MEIKIN: variants seen among roughly 807,000 people sequenced by gnomAD.
MEIKIN encodes meiosis-specific kinetochore protein.
chr5:131,873,850 C>G (rs1179864696), intron 9 of MEIKIN, among the ~76,000 whole-genome samples: 1 of 152,204 alleles, frequency 6.6e-6, no homozygotes, highest in East Asian at 1.9e-4. Context: ...TCACTCAAAA[C>G]CACTCAACTG....
At chr5:131,931,935 T>A (rs1221369776) in intron 5 of MEIKIN, among the ~76,000 whole-genome samples, 3 of 152,232 alleles carry the variant, frequency 2.0e-5, no homozygotes, top group African/African-American at 7.2e-5. Context: ...CCTAAAAGGC[T>A]AAGTGGTATC....
chr5:131,836,740 GTTT>G (rs796714140), intron 11 of MEIKIN, among the ~76,000 whole-genome samples: 2 of 141,608 alleles, frequency 1.4e-5, no homozygotes, highest in Non-Finnish European at 3.1e-5. Flanking sequence ...ACTTTTTAAT[GTTT>G]TTTTTTTTTC....
intron 8 of MEIKIN, among the ~76,000 whole-genome samples, chr5:131,894,153 G>T (rs1750990974): frequency 6.6e-6 from 1 of 152,136 alleles, no homozygotes; most frequent in South Asian, 2.1e-4. Flanking sequence ...TATTAAATAG[G>T]GAATCCTTTC....
At chr5:131,836,147 T>A (rs189778973) in intron 11 of MEIKIN, among the ~76,000 whole-genome samples, 3 of 152,304 alleles carry the variant, frequency 2.0e-5, no homozygotes, top group Admixed American at 2.0e-4. Context: ...ATATGCCATA[T>A]TTGGTTTTCT....
At chr5:131,855,507 G>T (rs1330894173) in intron 9 of MEIKIN, among the ~76,000 whole-genome samples, 1 of 151,826 alleles carries the variant, frequency 6.6e-6, no homozygotes, top group Non-Finnish European at 1.5e-5. Flanking sequence ...GACAGAAAGC[G>T]AGGAAGCGAC....
intron 8 of MEIKIN, among the ~76,000 whole-genome samples, chr5:131,908,717 A>G (rs900194341): frequency 6.6e-6 from 1 of 152,214 alleles, no homozygotes. Flanking sequence ...GAACTGATAA[A>G]TAAATTAGCA....
chr5:131,835,456 C>G (rs756993319), intron 11 of MEIKIN, among the ~76,000 whole-genome samples: 4 of 152,086 alleles, frequency 2.6e-5, no homozygotes, highest in Admixed American at 6.6e-5. Flanking sequence ...TATCAAGAGG[C>G]TTTTTCCCTA....
chr5:131,829,341 G>A (rs1749673677), intron 11 of MEIKIN, among the ~76,000 whole-genome samples: 1 of 152,206 alleles, frequency 6.6e-6, no homozygotes, highest in Non-Finnish European at 1.5e-5. Context: ...GCCAATGGAA[G>A]ATTAGCTCCT....
chr5:131,939,646 T>C (rs1391085431), intron 4 of MEIKIN, among the ~76,000 whole-genome samples: 2 of 152,172 alleles, frequency 1.3e-5, no homozygotes, highest in East Asian at 3.8e-4. Flanking sequence ...AAACAATAAA[T>C]CATATGTTAA....
At chr5:131,838,728 T>C (rs1250365228) in intron 11 of MEIKIN, among the ~76,000 whole-genome samples, 3 of 152,162 alleles carry the variant, frequency 2.0e-5, no homozygotes, top group Non-Finnish European at 4.4e-5. Context: ...TTGTGTTTAT[T>C]TGGCTCCTAT....
intron 8 of MEIKIN, among the ~76,000 whole-genome samples, chr5:131,902,520 G>A (rs1751176925): frequency 6.6e-6 from 1 of 152,088 alleles, no homozygotes; most frequent in Admixed American, 6.5e-5. Flanking sequence ...TGTACATCAT[G>A]CTTCCTGTAC....
chr5:131,919,828 C>T (rs879820916), intron 6 of MEIKIN, among the ~76,000 whole-genome samples: 4 of 152,094 alleles, frequency 2.6e-5, no homozygotes, highest in African/African-American at 9.7e-5. Flanking sequence ...GAGAAAGTGA[C>T]AATTTTCTGA....
intron 5 of MEIKIN, among the ~76,000 whole-genome samples, chr5:131,927,844 C>T (rs571878899): frequency 2.0e-5 from 3 of 152,126 alleles, no homozygotes; most frequent in African/African-American, 7.2e-5. Flanking sequence ...GTGTATGTAT[C>T]CTTAAATCTA....
chr5:131,849,600 A>T (rs887264086), intron 11 of MEIKIN, among the ~76,000 whole-genome samples: 1 of 135,356 alleles, frequency 7.4e-6, no homozygotes, highest in Non-Finnish European at 1.6e-5. Context: ...TATATAAAGA[A>T]ACCTCTTTTC....
chr5:131,819,844 C>T (rs1473847298), intron 11 of MEIKIN, among the ~76,000 whole-genome samples: 14 of 129,182 alleles, frequency 1.1e-4, no homozygotes, highest in Admixed American at 3.5e-4. Flanking sequence ...GGCGGGATCT[C>T]GGCTCACTGC....
chr5:131,892,640 T>C (rs1390069997), intron 8 of MEIKIN, among the ~76,000 whole-genome samples: 1 of 152,146 alleles, frequency 6.6e-6, no homozygotes, highest in Non-Finnish European at 1.5e-5. Flanking sequence ...AGGTTTTTAA[T>C]ATCTTTGCTA....
chr5:131,859,541 T>C (rs1750248058), intron 9 of MEIKIN, among the ~76,000 whole-genome samples: 2 of 152,284 alleles, frequency 1.3e-5, no homozygotes, highest in South Asian at 4.2e-4. Context: ...GTTCCTGCTT[T>C]TGCCATATGA....
At chr5:131,828,214 C>T (rs1241348396) in intron 11 of MEIKIN, among the ~76,000 whole-genome samples, 1 of 152,210 alleles carries the variant, frequency 6.6e-6, no homozygotes, top group Non-Finnish European at 1.5e-5. Flanking sequence ...TGCAGTGGCA[C>T]GATCTCACAA....
At chr5:131,860,673 T>C (rs148802788) in intron 9 of MEIKIN, among the ~76,000 whole-genome samples, 2,682 of 149,532 alleles carry the variant, frequency 0.018, 87 homozygotes, top group African/African-American at 0.063. Flanking sequence ...GGTCTTGAAC[T>C]CCTCACCTCA....
Sources: gnomAD v4.1 joint callset for allele counts (sites outside exome capture counted in the v4.1 genomes callset) on GRCh38, gnomAD v4.1.1 for gene constraint, MANE v1.5 for transcripts, NCBI Gene and HGNC (gene_info 2026-07-23, HGNC 2026-07-21) for gene names.